The following ZSWIM2 variants were observed in gnomAD, a reference collection of about 807,000 sequenced individuals.
ZSWIM2 encodes zinc finger SWIM-type containing 2, also known as E3 ubiquitin-protein ligase ZSWIM2.
ZSWIM2 carries 38 observed loss-of-function variants against 48.4 expected under a neutral mutation model. That is an observed-to-expected ratio of 0.79 (90% confidence interval 0.61 to 1.03). The LOEUF is 1.03. Ranked by LOEUF, ZSWIM2 falls within the 50% of genes least tolerant of loss-of-function variation. ZSWIM2 has a pLI of 0.00. For missense variants in ZSWIM2, 776 were observed against 730.2 expected, an observed-to-expected ratio of 1.06 and a Z score of -0.72; for synonymous variants, 240 against 251.3, an observed-to-expected ratio of 0.96 and a Z score of 0.42.
intron 3 of ZSWIM2, among the ~76,000 whole-genome samples, chr2:186,843,695 G>T (rs1691948440): frequency 6.6e-6 from 1 of 151,550 alleles, no homozygotes; most frequent in Admixed American, 6.6e-5. Context: ...CAGTATTTAA[G>T]ATGCCCATGG....
At chr2:186,845,315 G>T (rs1022141762) in intron 2 of ZSWIM2, among the ~76,000 whole-genome samples, 2 of 150,910 alleles carry the variant, frequency 1.3e-5, no homozygotes, top group African/African-American at 4.9e-5. Context: ...TTACTTAATG[G>T]TTACAATATT....
chr2:186,838,217 A>G (rs188599077), intron 4 of ZSWIM2, among the ~76,000 whole-genome samples: 1 of 147,670 alleles, frequency 6.8e-6, no homozygotes, highest in East Asian at 1.9e-4. Context: ...AAAGATTTAA[A>G]GTATAATAAA....
intron 3 of ZSWIM2, among the ~76,000 whole-genome samples, chr2:186,841,684 T>A (rs1203191951): frequency 6.6e-6 from 1 of 151,334 alleles, no homozygotes; most frequent in Non-Finnish European, 1.5e-5. Flanking sequence ...TTAGCTAGCC[T>A]TTAATGACTT....
chr2:186,843,664 G>C (rs1217260473), intron 3 of ZSWIM2, among the ~76,000 whole-genome samples: 2 of 151,614 alleles, frequency 1.3e-5, no homozygotes, highest in African/African-American at 4.8e-5. Flanking sequence ...GAATCTAAGA[G>C]GGGAGCACAG....
At chr2:186,831,396 ATATAT>A (rs72083201) in intron 7 of ZSWIM2, among the ~76,000 whole-genome samples, 2,785 of 141,134 alleles carry the variant, frequency 0.02, 83 homozygotes, top group African/African-American at 0.078. Flanking sequence ...GTGTATAAAT[ATATAT>A]TATATATATA....
intron 3 of ZSWIM2, among the ~76,000 whole-genome samples, chr2:186,844,122 A>G (rs1482343667): frequency 1.3e-5 from 2 of 151,616 alleles, no homozygotes; most frequent in Non-Finnish European, 3.0e-5. Context: ...CAATGACAGT[A>G]TCTTTATTAT....
chr2:186,846,979 G>T (rs1255745413), intron 2 of ZSWIM2, among the ~76,000 whole-genome samples: 1 of 151,648 alleles, frequency 6.6e-6, no homozygotes, highest in East Asian at 1.9e-4. Flanking sequence ...TAAACAATGG[G>T]TCACATGGAC....
At chr2:186,835,023 C>A (rs149625097) in intron 5 of ZSWIM2, among the ~76,000 whole-genome samples, 2 of 152,270 alleles carry the variant, frequency 1.3e-5, no homozygotes, top group African/African-American at 4.8e-5. Context: ...CCTTAGCTTT[C>A]ATTTACCTCT....
chr2:186,837,240 C>T, intron 5 of ZSWIM2, 66 bp downstream of exon 5: 2 of 1,568,410 alleles, frequency 1.3e-6, no homozygotes, highest in South Asian at 1.2e-5. Flanking sequence ...TACTCTAATG[C>T]TCAAAGTTTC....
intron 3 of ZSWIM2, among the ~76,000 whole-genome samples, chr2:186,842,932 A>G (rs779188553): frequency 3.3e-5 from 5 of 151,560 alleles, no homozygotes; most frequent in Non-Finnish European, 7.4e-5. Flanking sequence ...ATTTCCATTG[A>G]AAATATAGTG....
Position 186,829,882 on chromosome 2 carries a change from T to G in ZSWIM2, c.942-2A>C, listed in dbSNP as rs758850758. ...ATGTGTTTTGGTGTGTAAACTTGGCTGAATGAGAATAAGCAGAGACATGAG... is the reference window on the plus strand; with the variant it reads ...ATGTGTTTTGGTGTGTAAACTTGGCGGAATGAGAATAAGCAGAGACATGAG... On this transcript the variant is annotated splice_acceptor_variant, in intron 7 of 8. Transcript: ENST00000295131. LOFTEE classifies it high-confidence loss of function. 56 of 1,613,258 alleles carry G rather than the reference T, an allele frequency of 3.5e-5. No individual in the cohort carries two copies. Among genetic ancestry groups the G allele is most frequent in the Middle Eastern group, 1.6e-4 (1 of 6,068 alleles).
chr2:186,838,950 G>A lies in ZSWIM2; in HGVS notation c.494+9C>T. The A allele has an allele frequency of 6.2e-7, 1 of 1,602,874 alleles. No homozygotes were observed. The highest frequency in any genetic ancestry group is 8.5e-7 in the Non-Finnish European group (1 of 1,174,272). On this transcript the variant is annotated intron_variant, in intron 4 of 8. Transcript: ENST00000295131. Reference sequence around the variant, plus strand: ...TTAGTTTTAAGAATCTAAAGAAAAAGTACATCACCTGCAAAAGGTGACAGG... The same window carrying A: ...TTAGTTTTAAGAATCTAAAGAAAAAATACATCACCTGCAAAAGGTGACAGG...
At chr2:186,846,094 C>A (rs1901342) in intron 2 of ZSWIM2, among the ~76,000 whole-genome samples, 1 of 151,636 alleles carries the variant, frequency 6.6e-6, no homozygotes, top group African/African-American at 2.4e-5. Flanking sequence ...ATGATCAAGT[C>A]TTCATAAGAA....
rs1163456469 is a variant in ZSWIM2, at chr2:186,829,845, A to G, written c.977T>C (p.Leu326Pro). The G allele has an allele frequency of 3.7e-6, 6 of 1,613,700 alleles. No homozygotes were observed. The highest frequency in any genetic ancestry group is 5.1e-6 in the Non-Finnish European group (6 of 1,179,764). Residue 326 changes from leucine (L) to proline (P), a missense_variant, in exon 8 of 9, where the codon CTG (leucine) becomes CCG (proline). Leu to Pro is a moderately conservative substitution (Grantham distance 98). Transcript: ENST00000295131. ...ATTCTTAGTAATCAGTTGGAGAGGCAGTGATCTTACAATGTGTTTTGGTGT... is the reference window on the plus strand; with the variant it reads ...ATTCTTAGTAATCAGTTGGAGAGGCGGTGATCTTACAATGTGTTTTGGTGT... ...VYTPKHIVRS[L>P]PLQLITKNSK... is the part of the protein sequence containing the mutation.
intron 7 of ZSWIM2, among the ~76,000 whole-genome samples, chr2:186,831,431 C>T (rs1377469202): frequency 6.6e-6 from 1 of 151,418 alleles, no homozygotes; most frequent in Admixed American, 6.6e-5. Flanking sequence ...AGAACAAGCA[C>T]ATTTTTTGTT....
At chr2:186,831,769 G>A (rs983589139) in intron 7 of ZSWIM2, among the ~76,000 whole-genome samples, 12 of 151,786 alleles carry the variant, frequency 7.9e-5, no homozygotes, top group Admixed American at 2.6e-4. Flanking sequence ...GCAAACTATC[G>A]CAAGGACAAA....
Position 186,828,361 on chromosome 2 carries a change from G to C in ZSWIM2, c.1525C>G (p.Pro509Ala), listed in dbSNP as rs1559110654. 2 of 1,613,698 alleles carry C rather than the reference G, an allele frequency of 1.2e-6. No individual in the cohort carries two copies. Among genetic ancestry groups the C allele is most frequent in the Non-Finnish European group, 1.7e-6 (2 of 1,179,806 alleles). ...ATAGGAGGAAGCAGTGTTTGAGATG[G>C]TATTTTCCCAAATGACACAGTGGGT... ...DLPTVSFGKI[P>A]SQTLLPPIVH... The change falls in exon 9 of 9, where the codon CCA becomes GCA. Residue 509 changes from proline to alanine, a missense_variant. Transcript: ENST00000295131.
At chr2:186,836,462 A>C (rs1011942760) in intron 5 of ZSWIM2, among the ~76,000 whole-genome samples, 6 of 152,124 alleles carry the variant, frequency 3.9e-5, no homozygotes, top group African/African-American at 1.2e-4. Flanking sequence ...ACAGAAAACA[A>C]AACTAAATTC....
At chr2:186,833,917 C>G (rs759976411) in intron 6 of ZSWIM2, 29 bp downstream of exon 6, 2 of 1,550,888 alleles carry the variant, frequency 1.3e-6, no homozygotes, top group Admixed American at 3.4e-5. Context: ...AATAGAAACA[C>G]TGTATTAGAT....
Sources: allele counts gnomAD v4.1 joint callset (sites outside exome capture counted in the v4.1 genomes callset), GRCh38; gene constraint gnomAD v4.1.1; transcripts MANE v1.5; gene names NCBI Gene and HGNC (gene_info 2026-07-23, HGNC 2026-07-21).